Variants in CIT observed in about 807,000 individuals in gnomAD.
The protein encoded by CIT is citron rho-interacting serine/threonine kinase, also known as citron Rho-interacting kinase.
A neutral mutation model predicts 272.7 loss-of-function variants in CIT; 79 were observed. The ratio of observed to expected loss-of-function variants is 0.29; its 90% CI spans 0.24 to 0.35. CIT has a LOEUF of 0.35. Among genes scored for constraint, CIT ranks in the 10% least tolerant of loss-of-function variants. The pLI is 1.00. For missense variants in CIT, 1,909 were observed against 2,618.3 expected (o/e 0.73, Z 5.91); for synonymous variants, 948 against 995.6 (o/e 0.95, Z 0.90).
intron 19 of CIT, among the ~76,000 whole-genome samples, chr12:119,763,455 C>T (rs909750472): frequency 6.6e-6 from 1 of 152,114 alleles, no homozygotes; most frequent in Non-Finnish European, 1.5e-5. Context: ...TCTCGAATCC[C>T]TGGACTCAAG....
At chr12:119,740,342 G>A (rs1430080212) in intron 24 of CIT, among the ~76,000 whole-genome samples, 1 of 152,092 alleles carries the variant, frequency 6.6e-6, no homozygotes, top group East Asian at 1.9e-4. Flanking sequence ...AATTACAAAG[G>A]GGTATAAGGA....
chr12:119,746,256 T>G (rs1257123814), intron 23 of CIT, among the ~76,000 whole-genome samples: 2 of 152,218 alleles, frequency 1.3e-5, no homozygotes, highest in Non-Finnish European at 2.9e-5. Context: ...TTCCTTAAAA[T>G]TTCCAGAGTA....
At position 119,701,676 on chromosome 12, in the gene CIT, G is replaced by A. The variant is rs776565133; in HGVS notation, c.5490C>T (p.Ile1830=). 3.0e-5 allele frequency: 49 copies of A among 1,614,176 alleles called. No homozygotes were observed. Among genetic ancestry groups the A allele is most frequent in the Admixed American group, 6.7e-5 (4 of 60,030 alleles). ...AASSNSFPVS[I]VQVNSAGQRE... ...GCTGCCCTGCGCTGTTCACCTGCAC[G>A]ATTGAGACAGGGAAGCTGTTGGAAG... is the stretch of plus-strand genomic sequence containing the variant. Residue 1830 remains isoleucine, a synonymous_variant, in exon 43 of 48, where the codon ATC becomes ATT. Transcript: ENST00000392521.
At chr12:119,693,141 G>A (rs1336980947) in intron 46 of CIT, among the ~76,000 whole-genome samples, 3 of 152,280 alleles carry the variant, frequency 2.0e-5, no homozygotes, top group Non-Finnish European at 4.4e-5. Flanking sequence ...TGAGATTAAC[G>A]GGAGGAAGGA....
chr12:119,784,868 CAG>C lies in CIT; in HGVS notation c.1401+90_1401+91del. 1 of 1,528,954 alleles carries C rather than the reference CAG, an allele frequency of 6.5e-7. No homozygotes were observed. The highest frequency in any genetic ancestry group is 8.8e-7 in the Non-Finnish European group (1 of 1,137,680). 94.7% of individuals were successfully genotyped at this position (1,528,954 alleles called of 1,614,324 possible). On this transcript the variant is annotated intron_variant, in intron 11 of 47. Coordinates refer to ENST00000392521, the MANE Select transcript of CIT (RefSeq NM_001206999.2). This position sits in a 1 kb window ranked among gnomAD's most constrained non-coding sequence, Gnocchi z 4.7. ...CTCACTCTCTACGGATCAGGCGGCT[CAG>C]AGCCAGCAGCGGCCCCGGGCGGATC... is the stretch of plus-strand genomic sequence containing the variant.
At chr12:119,754,601 A>C (rs950899309) in intron 22 of CIT, among the ~76,000 whole-genome samples, 1 of 152,228 alleles carries the variant, frequency 6.6e-6, no homozygotes, top group Non-Finnish European at 1.5e-5. Context: ...CGCTGCACAC[A>C]CAAAGTTGGG....
intron 32 of CIT, among the ~76,000 whole-genome samples, chr12:119,715,585 G>T (rs1957415995): frequency 6.7e-6 from 1 of 150,370 alleles, no homozygotes; most frequent in Admixed American, 6.7e-5. Context: ...TGGGTGGGGG[G>T]GTGTCAAAAT....
intron 2 of CIT, among the ~76,000 whole-genome samples, chr12:119,871,076 G>A (rs1408976439): frequency 6.6e-6 from 1 of 150,648 alleles, no homozygotes; most frequent in Non-Finnish European, 1.5e-5. Context: ...CAGAGATCGT[G>A]CCACTGCACT....
At chr12:119,819,853 C>G (rs950407261) in intron 9 of CIT, among the ~76,000 whole-genome samples, 12 of 152,206 alleles carry the variant, frequency 7.9e-5, no homozygotes, top group Non-Finnish European at 1.6e-4. Context: ...GCAATGTTTT[C>G]AATCACAAAT....
In CIT at chr12:119,776,772, C is replaced by G; in HGVS notation, c.1736G>C (p.Arg579Thr). 1 of 1,614,158 alleles carries G rather than the reference C, an allele frequency of 6.2e-7. No homozygotes were observed. Among genetic ancestry groups the G allele is most frequent in the Non-Finnish European group, 8.5e-7 (1 of 1,180,030 alleles). ...NQLEEDLVSA[R>T]RRSDLYESEL... Reference sequence around the variant, plus strand: ...AGATTCGTAGAGATCACTCCGTCTTCTTGCTGAGACAAGATCCTCTTCCAA... The same window carrying G: ...AGATTCGTAGAGATCACTCCGTCTTGTTGCTGAGACAAGATCCTCTTCCAA... The change falls in exon 14 of 48, where the codon AGA becomes ACA. Residue 579 changes from arginine to threonine, a missense_variant. Physicochemically the swap from Arg to Thr is moderately conservative, Grantham distance 71. Around this residue, in one of 8 missense-constraint regions of CIT, gnomAD observed 530 missense variants for 822.4 expected, o/e 0.64. Transcript: ENST00000392521.
intron 24 of CIT, among the ~76,000 whole-genome samples, chr12:119,735,634 C>T (rs770451003): frequency 3.9e-5 from 6 of 152,128 alleles, no homozygotes; most frequent in Non-Finnish European, 7.3e-5. Context: ...CTGCATGAAA[C>T]GGATGACTTC....
intron 7 of CIT, among the ~76,000 whole-genome samples, chr12:119,828,327 T>G (rs1968332056): frequency 6.6e-6 from 1 of 152,162 alleles, no homozygotes; most frequent in Admixed American, 6.5e-5. Flanking sequence ...TTAACAAACA[T>G]TTTTAATGAC....
In CIT at chr12:119,752,268, GAA is replaced by G. The variant is rs779290226; in HGVS notation, c.2707-23_2707-22del. On this transcript the variant is annotated intron_variant, in intron 22 of 47. Transcript: ENST00000392521. ...CTGACCTGAGACAGAGAGAGAGAGA[GAA>G]AGAGAGATAAACCCTTGCTTGGTCT... The G allele has an allele frequency of 5.2e-6, 8 of 1,546,188 alleles. No homozygotes were observed. The Admixed American group carries it at 1.1e-4, about 21-fold the overall frequency.
intron 9 of CIT, among the ~76,000 whole-genome samples, chr12:119,806,137 CAAAAAAAAAAAAAA>C (rs3858711): frequency 1.6e-5 from 1 of 62,656 alleles, no homozygotes; most frequent in Admixed American, 2.4e-4. Context: ...AACACCATCT[CAAAAAAAAAAAAAA>C]AAAAAAAAAA....
At chr12:119,717,834 C>CTTGCTTTTTTTTTT (rs1957596158) in intron 32 of CIT, among the ~76,000 whole-genome samples, 1 of 70,244 alleles carries the variant, frequency 1.4e-5, no homozygotes. Flanking sequence ...AGACTGACTT[C>CTTGCTTTTTTTTTT]TTTCTTTTTT....
In CIT at chr12:119,718,222, A is replaced by C. The variant is rs1337588215; in HGVS notation, c.4168+23T>G. ...CACATGTCTTAGTCGACTAAAAGAA[A>C]TTTCCATACAACTCCAACGTACCCT... On this transcript the variant is annotated intron_variant, in intron 32 of 47. Coordinates refer to ENST00000392521, the MANE Select transcript of CIT (RefSeq NM_001206999.2). This position sits in a 1 kb window ranked among gnomAD's most constrained non-coding sequence, Gnocchi z 4.8. 1.3e-6 allele frequency: 2 copies of C among 1,588,130 alleles called. No homozygotes were observed. The highest frequency in any genetic ancestry group is 1.7e-6 in the Non-Finnish European group (2 of 1,165,048).
At chr12:119,779,457 G>A (rs1347129901) in intron 13 of CIT, among the ~76,000 whole-genome samples, 1 of 152,018 alleles carries the variant, frequency 6.6e-6, no homozygotes, top group African/African-American at 2.4e-5. Flanking sequence ...TTTGACCTAA[G>A]CCCAACTTTT....
In CIT at chr12:119,687,893, G is replaced by A. The variant is rs1955666104; in HGVS notation, c.*339C>T. ...AGTAGCTAATTAGGATTCTAACCATGTTGTAGTTAGCATCCCGGTTGGTTT... is the reference window on the plus strand; with the variant it reads ...AGTAGCTAATTAGGATTCTAACCATATTGTAGTTAGCATCCCGGTTGGTTT... On this transcript the variant is annotated 3_prime_UTR_variant, in exon 48 of 48. Coordinates refer to ENST00000392521, the MANE Select transcript of CIT (RefSeq NM_001206999.2). The A allele has an allele frequency of 3.5e-6, 1 of 287,886 alleles. No homozygotes were observed. Among genetic ancestry groups the A allele is most frequent in the East Asian group, 6.1e-5 (1 of 16,492 alleles). 17.8% of individuals were successfully genotyped at this position (287,886 alleles called of 1,614,324 possible). A position where few individuals can be genotyped will look rare whatever the true frequency, so the allele number is the denominator to read the frequency against.
chr12:119,699,284 TTCTATTTTAAAAAA>T (rs1437306920), intron 44 of CIT, among the ~76,000 whole-genome samples: 1 of 149,354 alleles, frequency 6.7e-6, no homozygotes, highest in Non-Finnish European at 1.5e-5. Flanking sequence ...AAAGACTGGG[TTCTATTTTAAAAAA>T]AAGACTGGGT....
Sources: gnomAD v4.1 joint callset for allele counts (sites outside exome capture counted in the v4.1 genomes callset) on GRCh38, gnomAD v4.1.1 for gene constraint, gnomAD v4.1.1 regional missense constraint, Gnocchi (gnomAD v3.1) non-coding constraint, MANE v1.5 for transcripts, NCBI Gene and HGNC (gene_info 2026-07-23, HGNC 2026-07-21) for gene names.